Variants in ZNF711 observed in about 807,000 individuals in gnomAD.
ZNF711 encodes the protein zinc finger protein 711.
Under a neutral mutation model 43.5 loss-of-function variants are expected in ZNF711, and 3 were observed. That is an observed-to-expected ratio of 0.07 (90% CI 0.03 to 0.18). ZNF711 has a LOEUF of 0.18. Among genes scored for constraint, ZNF711 ranks in the 10% least tolerant of loss-of-function variants. The pLI, the probability that ZNF711 is intolerant of heterozygous loss-of-function variation, is 1.00. For synonymous variants in ZNF711, 209 were observed against 207.7 expected, an observed-to-expected ratio of 1.01 and a Z score of -0.06; for missense variants, 412 against 604.0, an observed-to-expected ratio of 0.68 and a Z score of 3.33.
In ZNF711 at chrX:85,270,634, C is replaced by G; in HGVS notation, c.1247-17C>G. 1 of 1,184,452 alleles carries G rather than the reference C, an allele frequency of 8.4e-7. No homozygotes were observed. The highest frequency in any genetic ancestry group is 1.8e-5 in the South Asian group (1 of 55,242). ...CAGTCTGACCAAATGTCACAACTTT[C>G]TCTTTTCTTTATCTAGCTGTTATAA... On this transcript the variant is annotated splice_polypyrimidine_tract_variant and intron_variant, in intron 10 of 10. Coordinates refer to ENST00000674551, the MANE Select transcript of ZNF711 (RefSeq NM_001330574.2).
intron 5 of ZNF711, among the ~76,000 whole-genome samples, chrX:85,262,136 A>G (rs745433866): frequency 1.3e-3 from 147 of 111,063 alleles, no homozygotes; most frequent in African/African-American, 4.6e-3. Context: ...AAATTAATGG[A>G]TGCATTAAAT....
In ZNF711 at chrX:85,270,676, G is replaced by A. The variant is rs763770282; in HGVS notation, c.1272G>A (p.Gln424=). Residue 424 remains glutamine (Q), a synonymous_variant, in exon 11 of 11, where the codon CAG becomes CAA. Transcript: ENST00000674551. The part of the protein sequence containing the change: ...QTAVIIGPDG[Q]PLTVYPCHIC... ...CTGTTATAATAGGTCCTGATGGACAGCCCCTCACAGTGTACCCTTGCCATA... is the reference window on the plus strand; with the variant it reads ...CTGTTATAATAGGTCCTGATGGACAACCCCTCACAGTGTACCCTTGCCATA... The A allele has an allele frequency of 5.0e-6, 6 of 1,207,364 alleles. No individual in the cohort carries two copies. In the East Asian group the frequency reaches 1.5e-4, roughly 30 times the overall value.
chrX:85,268,227 AC>A, intron 8 of ZNF711, 66 bp from the exon 9 acceptor site: 1 of 1,100,042 alleles, frequency 9.1e-7, no homozygotes, highest in Non-Finnish European at 1.2e-6. Context: ...GATGTGATCC[AC>A]TAGTAGTCAT....
chrX:85,269,575 T>C (rs1342046881), intron 9 of ZNF711, among the ~76,000 whole-genome samples: 1 of 109,444 alleles, frequency 9.1e-6, no homozygotes, highest in South Asian at 4.0e-4. Context: ...CAGGATCTTA[T>C]TATGTTGCCT....
rs1186858889 is a variant in ZNF711, at chrX:85,271,274, C to G, written c.1870C>G (p.Gln624Glu). The change falls in exon 11 of 11, where the codon CAA becomes GAA. Residue 624 changes from glutamine to glutamate, a missense_variant. By Grantham distance (29) the Gln-to-Glu change is conservative. This residue lies in a region of ZNF711 where 375 missense variants were observed against 514.2 expected (regional missense o/e 0.73). Transcript: ENST00000674551. ...PQAFGDERELQRHLDLFQGHK... is the reference protein window; with the variant it reads ...PQAFGDERELERHLDLFQGHK... ...AGCATTTGGTGATGAGAGGGAGCTT[C>G]AACGCCATCTGGATTTGTTTCAAGG... 1.7e-6 allele frequency: 2 copies of G among 1,210,049 alleles called. No homozygotes were observed. The highest frequency in any genetic ancestry group is 3.0e-5 in the East Asian group (1 of 33,725).
At chrX:85,264,596 A>T (rs182792683) in intron 6 of ZNF711, among the ~76,000 whole-genome samples, 166 bp downstream of exon 6, 9 of 111,611 alleles carry the variant, frequency 8.1e-5, no homozygotes, top group African/African-American at 2.9e-4. Context: ...AGGAATGCAG[A>T]ATATGTCATT....
rs1398762359 is a variant in ZNF711, at chrX:85,270,964, G to A, written c.1560G>A (p.Lys520=). ...TTATTTTAAGAGACAAGGAGCCGAA[G>A]ATGCACAAGTGCAAATACTGTGACT... ...NKLILRDKEP[K]MHKCKYCDYE... The change falls in exon 11 of 11, where the codon AAG becomes AAA. Residue 520 remains lysine, a synonymous_variant. Coordinates refer to ENST00000674551, the MANE Select transcript of ZNF711 (RefSeq NM_001330574.2). The A allele has an allele frequency of 1.7e-6, 2 of 1,209,207 alleles. No homozygotes were observed. The highest frequency in any genetic ancestry group is 1.8e-5 in the African/African-American group (1 of 57,100).
chrX:85,253,405 T>A (rs1431068853), intron 4 of ZNF711, among the ~76,000 whole-genome samples: 3 of 111,738 alleles, frequency 2.7e-5, no homozygotes, highest in Admixed American at 1.9e-4. Flanking sequence ...CATATTAGTA[T>A]CCTTTTACGT....
In ZNF711 at chrX:85,271,582, G is replaced by A; in HGVS notation, c.2178G>A (p.Arg726=). The change falls in exon 11 of 11, where the codon AGG becomes AGA. Residue 726 remains arginine, a synonymous_variant. Coordinates refer to ENST00000674551, the MANE Select transcript of ZNF711 (RefSeq NM_001330574.2). The part of the protein sequence containing the change: ...HTKDQPLKCK[R]CKRGFRQQNE... ...AAGATCAGCCATTGAAATGTAAAAG[G>A]TGCAAGAGAGGATTCAGACAACAAA... 3.3e-6 allele frequency: 4 copies of A among 1,210,916 alleles called. No individual in the cohort carries two copies. The highest frequency in any genetic ancestry group is 4.5e-6 in the Non-Finnish European group (4 of 895,087).
chrX:85,262,678 A>G, intron 5 of ZNF711, among the ~76,000 whole-genome samples: 1 of 110,787 alleles, frequency 9.0e-6, no homozygotes, highest in African/African-American at 3.2e-5. Flanking sequence ...GAATGAAAAT[A>G]TGTAGACTTT....
At position 85,271,656 on chromosome X, in the gene ZNF711, A is replaced by G. The variant is rs1484995640; in HGVS notation, c.2252A>G (p.Gln751Arg). The G allele has an allele frequency of 2.5e-6, 3 of 1,210,165 alleles. No homozygotes were observed. The highest frequency in any genetic ancestry group is 3.4e-6 in the Non-Finnish European group (3 of 894,532). Reference sequence around the variant, plus strand: ...ACCCATACTGGAAGGAAGATTTACCAATGTGAGTATTGTGAATACAGCACT... The same window carrying G: ...ACCCATACTGGAAGGAAGATTTACCGATGTGAGTATTGTGAATACAGCACT... ...MKTHTGRKIY[Q>R]CEYCEYSTTD... The change falls in exon 11 of 11, where the codon CAA (glutamine) becomes CGA (arginine). Residue 751 changes from glutamine (Q) to arginine (R), a missense_variant. Gln to Arg is a conservative substitution (Grantham distance 43). This residue lies in a region of ZNF711 where 25 missense variants were observed against 52.9 expected (regional missense o/e 0.47). Transcript: ENST00000674551.
intron 8 of ZNF711, among the ~76,000 whole-genome samples, 171 bp downstream of exon 8, chrX:85,267,586 A>T (rs1304229759): frequency 8.9e-6 from 1 of 111,915 alleles, no homozygotes; most frequent in Non-Finnish European, 1.9e-5. Context: ...TCTACCACAT[A>T]CCTTGTACTA....
At chrX:85,269,224 C>CT (rs1428439524) in intron 9 of ZNF711, among the ~76,000 whole-genome samples, 2 of 111,015 alleles carry the variant, frequency 1.8e-5, no homozygotes, top group Admixed American at 9.5e-5. Flanking sequence ...ACTTAGTCAC[C>CT]ATAACTATAA....
rs1369250621 is a variant in ZNF711 at position 85,265,198 on chromosome X, C to T, written c.859C>T (p.Arg287Trp). 8 of 1,205,646 alleles carry T rather than the reference C, an allele frequency of 6.6e-6. No homozygotes were observed. The highest frequency in any genetic ancestry group is 1.8e-5 in the African/African-American group (1 of 56,490). ...AGVLDQSRMQREKMVYMAVKD... is the reference protein window; with the variant it reads ...AGVLDQSRMQWEKMVYMAVKD... Reference sequence around the variant, plus strand: ...AGTGCTTGACCAGAGCCGAATGCAGCGGGAGAAGATGGTTTACATGGCAGT... The same window carrying T: ...AGTGCTTGACCAGAGCCGAATGCAGTGGGAGAAGATGGTTTACATGGCAGT... Residue 287 changes from arginine to tryptophan, a missense_variant, in exon 7 of 11, where the codon CGG becomes TGG. Physicochemically the swap from Arg to Trp is moderately radical, Grantham distance 101. This residue lies in a region of ZNF711 where 375 missense variants were observed against 514.2 expected (regional missense o/e 0.73). Coordinates refer to ENST00000674551, the MANE Select transcript of ZNF711 (RefSeq NM_001330574.2).
At chrX:85,269,294 A>G (rs1399291131) in intron 9 of ZNF711, among the ~76,000 whole-genome samples, 1 of 111,108 alleles carries the variant, frequency 9.0e-6, no homozygotes, top group Non-Finnish European at 1.9e-5. Flanking sequence ...TCATTGGTAA[A>G]AAAAAATTGG....
intron 5 of ZNF711, among the ~76,000 whole-genome samples, 173 bp downstream of exon 5, chrX:85,255,974 T>G (rs1930099609): frequency 8.9e-6 from 1 of 111,799 alleles, no homozygotes; most frequent in South Asian, 3.7e-4. Context: ...TGTTTTTAAT[T>G]TATTCAATGA....
rs770058389 is a variant in ZNF711, at chrX:85,244,148, A to AGCG, written c.-440_-438dup. 3.8e-5 allele frequency: 5 copies of AGCG among 132,586 alleles called. No homozygotes were observed. The highest frequency in any genetic ancestry group is 4.1e-5 in the Non-Finnish European group (3 of 73,879). The allele number at this position is 132,586 out of a possible 1,213,427, so 10.9% of individuals were successfully genotyped here. On this transcript the variant is annotated 5_prime_UTR_variant, in exon 1 of 11. Coordinates refer to ENST00000674551, the MANE Select transcript of ZNF711 (RefSeq NM_001330574.2). ...AGGCGGCGGCGGCGGCGGCGGCGGC[A>AGCG]GCGGCGGCGGCAGCGGCGGCGGCAG...
intron 2 of ZNF711, among the ~76,000 whole-genome samples, chrX:85,246,391 C>A (rs1310052369): frequency 1.8e-5 from 2 of 112,392 alleles, no homozygotes; most frequent in African/African-American, 6.5e-5. Flanking sequence ...ATGTCACCTA[C>A]TTCTGTAGCA....
chrX:85,267,503 C>A, intron 8 of ZNF711, 88 bp downstream of exon 8: 1 of 734,069 alleles, frequency 1.4e-6, no homozygotes, highest in Non-Finnish European at 1.8e-6. Context: ...GTGAATGCCA[C>A]CATGAATTGG....
Sources: allele counts gnomAD v4.1 joint callset (sites outside exome capture counted in the v4.1 genomes callset), GRCh38; gene constraint gnomAD v4.1.1; regional missense constraint gnomAD v4.1.1; transcripts MANE v1.5; gene names NCBI Gene and HGNC (gene_info 2026-07-23, HGNC 2026-07-21).